PCYT1A: variants seen among roughly 807,000 people sequenced by gnomAD.
The protein encoded by PCYT1A is phosphate cytidylyltransferase 1A, choline.
In PCYT1A, 25 loss-of-function variants were observed where a neutral mutation model predicts 43.7. The observed-to-expected ratio is 0.57, with a 90% CI of 0.42 to 0.80. PCYT1A has a LOEUF of 0.80. Ranked by LOEUF, PCYT1A falls within the 30% of genes least tolerant of loss-of-function variation. The pLI is 0.00. For missense variants in PCYT1A, 421 were observed against 474.2 expected (o/e 0.89, Z 1.04); for synonymous variants, 172 against 170.7 (o/e 1.01, Z -0.06).
Position 196,252,140 on chromosome 3 carries a change from T to C in PCYT1A, c.218-3817A>G, listed in dbSNP as rs111232086. Among the ~76,000 whole-genome samples the C allele has an allele frequency of 0.14, 21,073 of 151,088 alleles. 1,606 individuals are homozygous for C. Among genetic ancestry groups the C allele is most frequent in the South Asian group, 0.2 (941 of 4,784 alleles). On this transcript the variant is annotated intron_variant, in intron 3 of 8. Transcript: ENST00000431016. This position sits in a 1 kb window ranked among gnomAD's most constrained non-coding sequence, Gnocchi z 4.0. ...CCCCGCCACGCCCCACTGGCTACAG[T>C]GCACACCGCCACGCCCCACTGGCTA...
chr3:196,243,824 G>C (rs1341505890), intron 5 of PCYT1A, among the ~76,000 whole-genome samples: 1 of 152,260 alleles, frequency 6.6e-6, no homozygotes. Flanking sequence ...ACGGAGTCTC[G>C]TTCACTCAGT....
intron 1 of PCYT1A, among the ~76,000 whole-genome samples, chr3:196,286,413 G>C (rs1725915668): frequency 6.6e-6 from 1 of 152,076 alleles, no homozygotes; most frequent in African/African-American, 2.4e-5. Flanking sequence ...TTACATTTTA[G>C]AACCAAAAGA....
intron 1 of PCYT1A, among the ~76,000 whole-genome samples, chr3:196,276,380 G>A (rs951934177): frequency 2.0e-5 from 3 of 152,060 alleles, no homozygotes; most frequent in African/African-American, 7.2e-5. Flanking sequence ...GAGGTGGGCA[G>A]CTCACCTCAG....
intron 1 of PCYT1A, among the ~76,000 whole-genome samples, chr3:196,274,833 G>A (rs1459364713): frequency 2.0e-5 from 3 of 152,212 alleles, no homozygotes; most frequent in African/African-American, 7.2e-5. Context: ...AAATGTCAGA[G>A]TCGAAAGTGA....
Position 196,280,570 on chromosome 3 carries a change from G to GTTTTT in PCYT1A, c.-11+7040_-11+7044dup. ...TTATTGTTGTATTGGTATTTTTATT[G>GTTTTT]TTTTTTTTTTTTTTTTTTTCTGAAT... On this transcript the variant is annotated intron_variant, in intron 1 of 8. Transcript: ENST00000431016. 7.6e-4 allele frequency among the ~76,000 whole-genome samples: 69 copies of GTTTTT among 91,326 alleles called. 2 individuals carry two copies. The highest frequency in any genetic ancestry group is 4.0e-3 in the South Asian group (10 of 2,496). 59.9% of individuals were successfully genotyped at this position (91,326 alleles called of 152,430 possible). A position where few individuals can be genotyped will look rare whatever the true frequency, so the allele number is the denominator to read the frequency against.
chr3:196,285,337 T>C (rs1725879663), intron 1 of PCYT1A, among the ~76,000 whole-genome samples: 1 of 152,064 alleles, frequency 6.6e-6, no homozygotes, highest in East Asian at 1.9e-4. Context: ...CACATGCCTG[T>C]AGTCCCAGCT....
At chr3:196,248,401 T>C in intron 3 of PCYT1A, 78 bp from the exon 4 acceptor site, 2 of 824,944 alleles carry the variant, frequency 2.4e-6, no homozygotes, top group Non-Finnish European at 4.0e-6. Flanking sequence ...AGGCCGAGTC[T>C]CACTCTGTCA....
chr3:196,253,807 G>A (rs1027354742), intron 3 of PCYT1A, among the ~76,000 whole-genome samples: 2 of 152,086 alleles, frequency 1.3e-5, no homozygotes, highest in African/African-American at 4.8e-5. Context: ...TGGGAAGAAA[G>A]CTAGCGTTAG....
intron 2 of PCYT1A, among the ~76,000 whole-genome samples, chr3:196,263,153 T>C (rs1035728478): frequency 2.0e-5 from 3 of 152,190 alleles, no homozygotes; most frequent in African/African-American, 7.2e-5. Context: ...AAACATTTAT[T>C]TCCCTTTCAC....
chr3:196,255,689 T>A (rs1476540625), intron 3 of PCYT1A, among the ~76,000 whole-genome samples: 2 of 152,076 alleles, frequency 1.3e-5, no homozygotes, highest in Non-Finnish European at 2.9e-5. Flanking sequence ...CGAGACTCTG[T>A]CTCAAAAACA....
At chr3:196,267,980 G>A (rs7615439) in intron 2 of PCYT1A, among the ~76,000 whole-genome samples, 1 of 152,332 alleles carries the variant, frequency 6.6e-6, no homozygotes, top group East Asian at 1.9e-4. Context: ...AGGCTGTTGG[G>A]TGGATCTCTG....
chr3:196,244,894 ATGCTCG>A (rs1463092115), intron 5 of PCYT1A, among the ~76,000 whole-genome samples: 1 of 152,084 alleles, frequency 6.6e-6, no homozygotes, highest in Non-Finnish European at 1.5e-5. Flanking sequence ...TGAAGGCAGC[ATGCTCG>A]TTAAGAGTCA....
chr3:196,277,694 A>C lies in PCYT1A; in HGVS notation c.-10-7153T>G, dbSNP rs892775693. 3.9e-5 allele frequency among the ~76,000 whole-genome samples: 6 copies of C among 152,098 alleles called. No homozygotes were observed. Among genetic ancestry groups the C allele is most frequent in the African/African-American group, 1.4e-4 (6 of 41,398 alleles). On this transcript the variant is annotated intron_variant, in intron 1 of 8. Coordinates refer to ENST00000431016, the MANE Select transcript of PCYT1A (RefSeq NM_001312673.2). The surrounding 1 kb of genome is among the most constrained non-coding windows in gnomAD (Gnocchi z 4.1). ...GCAACCAGCCTGGCCAACATGGTGA[A>C]ACCCCATCTCTACTAAAAATACAAA...
intron 1 of PCYT1A, among the ~76,000 whole-genome samples, chr3:196,275,627 G>A (rs1725564691): frequency 6.6e-6 from 1 of 152,096 alleles, no homozygotes; most frequent in Non-Finnish European, 1.5e-5. Context: ...CAGCTACTCG[G>A]GAGGCTGAGG....
Position 196,270,446 on chromosome 3 carries a change from C to G in PCYT1A, c.86G>C (p.Gly29Ala). Residue 29 changes from glycine to alanine, a missense_variant, in exon 2 of 9, where the codon GGG becomes GCG. Around this residue, in one of 3 missense-constraint regions of PCYT1A, gnomAD observed 139 missense variants for 117.7 expected, o/e 1.18. Coordinates refer to ENST00000431016, the MANE Select transcript of PCYT1A (RefSeq NM_001312673.2). Reference sequence around the variant, plus strand: ...ACAGCGCTGCACTTTGGAAGGAACCCCATCTTCTTCTGTTGCCCCGTTGGG... The same window carrying G: ...ACAGCGCTGCACTTTGGAAGGAACCGCATCTTCTTCTGTTGCCCCGTTGGG... ...PGPNGATEED[G>A]VPSKVQRCAV... 6.2e-7 allele frequency: 1 copy of G among 1,613,740 alleles called. No individual in the cohort carries two copies. Among genetic ancestry groups the G allele is most frequent in the Non-Finnish European group, 8.5e-7 (1 of 1,179,680 alleles).
intron 1 of PCYT1A, among the ~76,000 whole-genome samples, chr3:196,275,326 T>C (rs1284616027): frequency 6.6e-6 from 1 of 152,154 alleles, no homozygotes; most frequent in Non-Finnish European, 1.5e-5. Context: ...CACTTATTTG[T>C]GGAATCTAAA....
chr3:196,260,279 T>C (rs1473823490), intron 2 of PCYT1A, among the ~76,000 whole-genome samples: 2 of 152,120 alleles, frequency 1.3e-5, no homozygotes, highest in Non-Finnish European at 2.9e-5. Context: ...CTTTTAAAAA[T>C]AGAACCAAGG....
At chr3:196,239,246 A>G (rs1210661565) in intron 8 of PCYT1A, among the ~76,000 whole-genome samples, 1 of 152,108 alleles carries the variant, frequency 6.6e-6, no homozygotes, top group Non-Finnish European at 1.5e-5. Context: ...ATTGTTCTTT[A>G]TTCTTTCCTT....
Position 196,242,942 on chromosome 3 carries a change from T to G in PCYT1A, c.487-302A>C. Reference sequence around the variant, plus strand: ...CTGTGGTCAATAGGGCCAGAGGGTTTGCTGGTGAACCGGTTAGTGGGTGGA... The same window carrying G: ...CTGTGGTCAATAGGGCCAGAGGGTTGGCTGGTGAACCGGTTAGTGGGTGGA... On this transcript the variant is annotated intron_variant, in intron 5 of 8. Coordinates refer to ENST00000431016, the MANE Select transcript of PCYT1A (RefSeq NM_001312673.2). The surrounding 1 kb of genome is among the most constrained non-coding windows in gnomAD (Gnocchi z 4.2). 2.7e-6 allele frequency: 1 copy of G among 364,792 alleles called. No individual in the cohort carries two copies. The allele number at this position is 364,792 out of a possible 1,614,324, so 22.6% of individuals were successfully genotyped here.
Sources: gnomAD v4.1 joint callset for allele counts (sites outside exome capture counted in the v4.1 genomes callset) on GRCh38, gnomAD v4.1.1 for gene constraint, gnomAD v4.1.1 regional missense constraint, Gnocchi (gnomAD v3.1) non-coding constraint, MANE v1.5 for transcripts, NCBI Gene and HGNC (gene_info 2026-07-23, HGNC 2026-07-21) for gene names.